Variants in TOP1 observed in about 807,000 individuals in gnomAD.
TOP1 encodes DNA topoisomerase I, also known as DNA topoisomerase 1.
A neutral mutation model predicts 111.1 loss-of-function variants in TOP1; 10 were observed. The observed-to-expected ratio is 0.09, with a 90% confidence interval of 0.06 to 0.15. TOP1 has a LOEUF of 0.15. Among genes scored for constraint, TOP1 ranks in the 10% least tolerant of loss-of-function variants. TOP1 has a pLI of 1.00. For missense variants in TOP1, 474 were observed against 926.7 expected, an observed-to-expected ratio of 0.51 and a Z score of 6.34; for synonymous variants, 271 against 302.9, an observed-to-expected ratio of 0.89 and a Z score of 1.10.
At chr20:41,111,229 C>T (rs1025916512) in intron 13 of TOP1, among the ~76,000 whole-genome samples, 2 of 152,150 alleles carry the variant, frequency 1.3e-5, no homozygotes, top group African/African-American at 2.4e-5. Context: ...CCAATTTTTC[C>T]GTGCATGTGT....
At position 41,030,028 on chromosome 20, in the gene TOP1, A is replaced by AT. The variant is rs904848086; in HGVS notation, c.58+583dup. On this transcript the variant is annotated intron_variant, in intron 2 of 20. Transcript: ENST00000361337. The surrounding 1 kb of genome is among the most constrained non-coding windows in gnomAD (Gnocchi z 4.1). ...GAAAGATTTCCTTAAGCAACTGTTA[A>AT]TTTTTTTTTTGATAGGCTGTTTATG... Among the ~76,000 whole-genome samples, 96 of 150,364 alleles carry AT rather than the reference A, an allele frequency of 6.4e-4. No homozygotes were observed. The highest frequency in any genetic ancestry group is 1.7e-3 in the African/African-American group (69 of 40,996).
intron 2 of TOP1, among the ~76,000 whole-genome samples, chr20:41,049,134 TTG>T (rs1172123086): frequency 1.3e-5 from 2 of 152,222 alleles, no homozygotes; most frequent in Admixed American, 1.3e-4. Context: ...AGCCTCCTTC[TTG>T]TGTGTCTTTT....
Position 41,093,644 on chromosome 20 carries a change from T to C in TOP1, c.730+1057T>C, listed in dbSNP as rs1361763984. On this transcript the variant is annotated intron_variant, in intron 9 of 20. Transcript: ENST00000361337. ...CACCGCCCGCACTGAAAAGAAAAAG[T>C]TCTGGGGTGGGATTGAGTACTTCTG... Among the ~76,000 whole-genome samples, 3 of 152,092 alleles carry C rather than the reference T, an allele frequency of 2.0e-5. No homozygotes were observed. The East Asian group carries it at 5.8e-4, about 29-fold the overall frequency.
At chr20:41,035,602 C>G (rs1289742828) in intron 2 of TOP1, among the ~76,000 whole-genome samples, 1 of 152,102 alleles carries the variant, frequency 6.6e-6, no homozygotes, top group African/African-American at 2.4e-5. Flanking sequence ...AGAACGAAAC[C>G]GACCCAGCCA....
chr20:41,037,662 A>T (rs1313067082), intron 2 of TOP1, among the ~76,000 whole-genome samples: 1 of 152,260 alleles, frequency 6.6e-6, no homozygotes, highest in Non-Finnish European at 1.5e-5. Context: ...AGTCAGTAGA[A>T]ATTTCAGTAA....
intron 2 of TOP1, among the ~76,000 whole-genome samples, chr20:41,060,307 A>G (rs1420668491): frequency 6.6e-6 from 1 of 152,244 alleles, no homozygotes; most frequent in Non-Finnish European, 1.5e-5. Context: ...ACAATGTAAC[A>G]CCACTCAGCA....
rs2033503432 is a variant in TOP1 at position 41,058,627 on chromosome 20, C to T, written c.59-2767C>T. Among the ~76,000 whole-genome samples the T allele has an allele frequency of 6.6e-6, 1 of 152,118 alleles. No individual in the cohort carries two copies. The highest frequency in any genetic ancestry group is 1.5e-5 in the Non-Finnish European group (1 of 68,016). ...TCTAATACCTTTTATGGCCTAGTGT[C>T]GGAAGTTGCCCCCTCACAATTCCAC... On this transcript the variant is annotated intron_variant, in intron 2 of 20. Transcript: ENST00000361337. This position sits in a 1 kb window ranked among gnomAD's most constrained non-coding sequence, Gnocchi z 4.2.
rs1226707300 is a variant in TOP1, at chr20:41,100,291, C to G, written c.1163+48C>G. 1 of 1,502,634 alleles carries G rather than the reference C, an allele frequency of 6.7e-7. No homozygotes were observed. Among genetic ancestry groups the G allele is most frequent in the Non-Finnish European group, 9.1e-7 (1 of 1,094,728 alleles). The allele number at this position is 1,502,634 out of a possible 1,614,324, so 93.1% of individuals were successfully genotyped here. A position where few individuals can be genotyped will look rare whatever the true frequency, so the allele number is the denominator to read the frequency against. ...GGGCCAAAAAGGGGGTGGAGGGCGT[C>G]CTTTATTGTACTTGGGAATATTTCC... On this transcript the variant is annotated intron_variant, in intron 12 of 20. Coordinates refer to ENST00000361337, the MANE Select transcript of TOP1 (RefSeq NM_003286.4). This position sits in a 1 kb window ranked among gnomAD's most constrained non-coding sequence, Gnocchi z 4.4.
At position 41,069,970 on chromosome 20, in the gene TOP1, C is replaced by A. The variant is rs2145931393; in HGVS notation, c.156-6201C>A. On this transcript the variant is annotated intron_variant, in intron 3 of 20. Transcript: ENST00000361337. The surrounding 1 kb of genome is among the most constrained non-coding windows in gnomAD (Gnocchi z 4.1). ...GAGGAATCTAGTTAGGTGGGTTACACAGGGTGGAATAGTAGAAAATGAGAC... is the reference window on the plus strand; with the variant it reads ...GAGGAATCTAGTTAGGTGGGTTACAAAGGGTGGAATAGTAGAAAATGAGAC... 1.3e-5 allele frequency among the ~76,000 whole-genome samples: 2 copies of A among 151,980 alleles called. No homozygotes were observed. Among genetic ancestry groups the A allele is most frequent in the East Asian group, 3.9e-4 (2 of 5,192 alleles).
chr20:41,060,709 GT>G (rs1161419974), intron 2 of TOP1, among the ~76,000 whole-genome samples: 1 of 152,076 alleles, frequency 6.6e-6, no homozygotes, highest in African/African-American at 2.4e-5. Flanking sequence ...AGATGTTCAA[GT>G]TTTTTTGTAT....
intron 3 of TOP1, among the ~76,000 whole-genome samples, chr20:41,066,992 A>G (rs1331749036): frequency 6.6e-6 from 1 of 152,204 alleles, no homozygotes; most frequent in Non-Finnish European, 1.5e-5. Flanking sequence ...TATTCACATG[A>G]GTAAATTTTA....
rs1235425157 is a variant in TOP1 at position 41,067,526 on chromosome 20, G to A, written c.155+6036G>A. Among the ~76,000 whole-genome samples, 1 of 152,120 alleles carries A rather than the reference G, an allele frequency of 6.6e-6. No homozygotes were observed. The highest frequency in any genetic ancestry group is 1.5e-5 in the Non-Finnish European group (1 of 68,024). ...CTGTAGCAGATTAAAGAAATCTGGGGGATTATTTAATCACATCTGAACCCC... is the reference window on the plus strand; with the variant it reads ...CTGTAGCAGATTAAAGAAATCTGGGAGATTATTTAATCACATCTGAACCCC... On this transcript the variant is annotated intron_variant, in intron 3 of 20. Coordinates refer to ENST00000361337, the MANE Select transcript of TOP1 (RefSeq NM_003286.4). The surrounding 1 kb of genome is among the most constrained non-coding windows in gnomAD (Gnocchi z 4.0).
intron 13 of TOP1, among the ~76,000 whole-genome samples, chr20:41,107,175 G>T (rs1433227153): frequency 2.6e-5 from 4 of 152,122 alleles, no homozygotes; most frequent in Non-Finnish European, 5.9e-5. Context: ...TTATAGGGAA[G>T]ATTCTGGTTT....
intron 14 of TOP1, among the ~76,000 whole-genome samples, chr20:41,113,733 T>A (rs6124318): frequency 0.18 from 24,120 of 136,340 alleles, 2,990 homozygotes; most frequent in East Asian, 0.7. Flanking sequence ...AAAAAAAAAA[T>A]AAAAATTGGC....
chr20:41,118,438 G>T lies in TOP1; in HGVS notation c.1950+142G>T. The T allele has an allele frequency of 1.1e-6, 1 of 937,060 alleles. No individual in the cohort carries two copies. Among genetic ancestry groups the T allele is most frequent in the South Asian group, 1.9e-5 (1 of 53,086 alleles). The allele number at this position is 937,060 out of a possible 1,614,324, so 58.0% of individuals were successfully genotyped here. A position where few individuals can be genotyped will look rare whatever the true frequency, so the allele number is the denominator to read the frequency against. ...GCTAAAGATAAACAAATGGAAATAT[G>T]ATAGTAGTTAATCTCTGATCAAGAT... is the stretch of plus-strand genomic sequence containing the variant. On this transcript the variant is annotated intron_variant, in intron 18 of 20. Coordinates refer to ENST00000361337, the MANE Select transcript of TOP1 (RefSeq NM_003286.4). The surrounding 1 kb of genome is among the most constrained non-coding windows in gnomAD (Gnocchi z 4.6).
In TOP1 at chr20:41,115,256, G is replaced by A; in HGVS notation, c.1639-115G>A. 1.5e-6 allele frequency: 1 copy of A among 660,320 alleles called. No homozygotes were observed. 40.9% of individuals were successfully genotyped at this position (660,320 alleles called of 1,614,324 possible). A position where few individuals can be genotyped will look rare whatever the true frequency, so the allele number is the denominator to read the frequency against. On this transcript the variant is annotated intron_variant, in intron 15 of 20. Transcript: ENST00000361337. The surrounding 1 kb of genome is among the most constrained non-coding windows in gnomAD (Gnocchi z 6.3). ...ATGTTAACAGTGAATCTCGGTGACG[G>A]ATGTATGCGTGTTCCTTGTGCCTTT...
intron 3 of TOP1, among the ~76,000 whole-genome samples, chr20:41,062,948 G>C (rs959854014): frequency 7.9e-5 from 12 of 151,818 alleles, no homozygotes; most frequent in Non-Finnish European, 1.5e-4. Flanking sequence ...ATTTTTTTCA[G>C]GTTTTATTTT....
intron 2 of TOP1, among the ~76,000 whole-genome samples, chr20:41,049,086 T>G (rs1484914367): frequency 1.3e-5 from 2 of 152,206 alleles, no homozygotes; most frequent in Non-Finnish European, 2.9e-5. Flanking sequence ...TTTAACCCTT[T>G]TGTGTGTGTG....
Position 41,077,565 on chromosome 20 carries a change from G to C in TOP1, c.280-17G>C. On this transcript the variant is annotated splice_polypyrimidine_tract_variant and intron_variant, in intron 4 of 20. Transcript: ENST00000361337. The stretch of plus-strand genomic sequence containing the variant: ...TAGTCCTTTCAAGGTACTAGTTACT[G>C]TTGTTTTACTTTTCAGGTTCGAGCC... 6.2e-7 allele frequency: 1 copy of C among 1,612,030 alleles called. No homozygotes were observed. The highest frequency in any genetic ancestry group is 8.5e-7 in the Non-Finnish European group (1 of 1,178,102).
Sources: allele counts gnomAD v4.1 joint callset (sites outside exome capture counted in the v4.1 genomes callset), GRCh38; gene constraint gnomAD v4.1.1; non-coding constraint Gnocchi (gnomAD v3.1); transcripts MANE v1.5; gene names NCBI Gene and HGNC (gene_info 2026-07-23, HGNC 2026-07-21).